Variants in IQANK1 observed in about 807,000 individuals in gnomAD.
The protein encoded by IQANK1 is IQ motif and ankyrin repeat domain-containing protein 1.
In IQANK1, 30 loss-of-function variants were observed where a neutral mutation model predicts 22.6. The ratio of observed to expected loss-of-function variants is 1.33; its 90% CI spans 0.99 to 1.80. The LOEUF (loss-of-function observed/expected upper bound fraction) is 1.80. IQANK1 is among the 40% of genes most tolerant of loss of function. The pLI is 0.00. For missense variants in IQANK1, 275 were observed against 235.2 expected (o/e 1.17, Z -1.11); for synonymous variants, 122 against 99.6 (o/e 1.23, Z -1.34).
chr8:143,780,790 C>A (rs13264809), intron 7 of IQANK1, among the ~76,000 whole-genome samples: 1 of 152,016 alleles, frequency 6.6e-6, no homozygotes, highest in African/African-American at 2.4e-5. Flanking sequence ...TCAACATATG[C>A]GTGCATGTGT....
chr8:143,787,196 G>T (rs1214112868), intron 7 of IQANK1, among the ~76,000 whole-genome samples: 1 of 152,146 alleles, frequency 6.6e-6, no homozygotes, highest in Non-Finnish European at 1.5e-5. Flanking sequence ...TAAATGTCTA[G>T]AAGTATGCAT....
At chr8:143,759,939 G>C (rs1269156163) in intron 3 of IQANK1, 1 of 152,204 alleles carries the variant, frequency 6.6e-6, no homozygotes. Flanking sequence ...ACACTCAGGA[G>C]CTTGCAAAGT....
At position 143,761,939 on chromosome 8, in the gene IQANK1, A is replaced by C. The variant is rs541682068; in HGVS notation, c.176-9549A>C. Among the ~76,000 whole-genome samples the C allele has an allele frequency of 4.6e-5, 7 of 152,206 alleles. 1 individual carries two copies. In the South Asian group the frequency reaches 1.2e-3, roughly 27 times the overall value. Reference sequence around the variant, plus strand: ...TAGGACATATATAAAGGAGAGTGGGATAGATATTGTATTTCAAGGAGAGTA... The same window carrying C: ...TAGGACATATATAAAGGAGAGTGGGCTAGATATTGTATTTCAAGGAGAGTA... On this transcript the variant is annotated intron_variant, in intron 3 of 13. Coordinates refer to ENST00000527139, the MANE Select transcript of IQANK1 (RefSeq NM_001381874.1).
intron 7 of IQANK1, among the ~76,000 whole-genome samples, chr8:143,783,737 G>A (rs147321678): frequency 5.3e-5 from 8 of 152,256 alleles, no homozygotes; most frequent in African/African-American, 1.2e-4. Context: ...ACTTCTGTGC[G>A]TTGTTTTGGT....
rs1454941330 is a variant in IQANK1 at position 143,739,917 on chromosome 8, C to T, written c.144C>T (p.Pro48=). 2.9e-6 allele frequency: 2 copies of T among 699,360 alleles called. No individual in the cohort carries two copies. Among genetic ancestry groups the T allele is most frequent in the Middle Eastern group, 2.5e-4 (1 of 3,968 alleles). The allele number at this position is 699,360 out of a possible 1,614,324, so 43.3% of individuals were successfully genotyped here. ...AAGCGGGCTGGCAGGCGAGGGAGCC[C>T]GCGTCGGCTGAGAGCCCACAGGCCC... is the stretch of plus-strand genomic sequence containing the variant. ...QRKAGWQARE[P]ASAESPQAPT... is the part of the protein sequence containing the mutation. Residue 48 remains proline (P), a synonymous_variant, in exon 3 of 14, where the codon CCC becomes CCT. Coordinates refer to ENST00000527139, the MANE Select transcript of IQANK1 (RefSeq NM_001381874.1).
At chr8:143,737,907 C>T (rs530679342) in intron 2 of IQANK1, among the ~76,000 whole-genome samples, 8 of 152,232 alleles carry the variant, frequency 5.3e-5, no homozygotes, top group South Asian at 4.1e-4. Flanking sequence ...CTCAGCAGTT[C>T]GGGGCCCAGG....
intron 2 of IQANK1, among the ~76,000 whole-genome samples, chr8:143,738,084 GCCCTGTAGGGGCCACC>G (rs1554625933): frequency 6.6e-6 from 1 of 152,150 alleles, no homozygotes. Flanking sequence ...CTGGTCACGT[GCCCTGTAGGGGCCACC>G]CCCGCTTCAC....
rs1819568081 is a variant in IQANK1 at position 143,771,369 on chromosome 8, G to A, written c.176-119G>A. On this transcript the variant is annotated intron_variant, in intron 3 of 13. Coordinates refer to ENST00000527139, the MANE Select transcript of IQANK1 (RefSeq NM_001381874.1). The surrounding 1 kb of genome is among the most constrained non-coding windows in gnomAD (Gnocchi z 6.0). ...GGCTCGGCCGCGCTGGGGGCTTTGA[G>A]AGCCGTTTGGGTCCTTCTGTCGGGG... is the stretch of plus-strand genomic sequence containing the variant. The A allele has an allele frequency of 2.6e-6, 1 of 381,816 alleles. No homozygotes were observed. Among genetic ancestry groups the A allele is most frequent in the African/African-American group, 2.1e-5 (1 of 46,654 alleles). 23.7% of individuals were successfully genotyped at this position (381,816 alleles called of 1,614,324 possible).
chr8:143,787,424 C>T (rs532404804), intron 7 of IQANK1, among the ~76,000 whole-genome samples: 1 of 152,200 alleles, frequency 6.6e-6, no homozygotes, highest in Non-Finnish European at 1.5e-5. Context: ...TACACTGCCC[C>T]TTCTTTCCAT....
chr8:143,780,929 T>A (rs782394297), intron 7 of IQANK1, among the ~76,000 whole-genome samples: 1 of 152,190 alleles, frequency 6.6e-6, no homozygotes, highest in Non-Finnish European at 1.5e-5. Context: ...CTGAACTAAT[T>A]TATACTCCCA....
intron 3 of IQANK1, chr8:143,742,461 C>G (rs966219553): frequency 4.6e-5 from 21 of 455,914 alleles, no homozygotes; most frequent in African/African-American, 4.0e-4. Context: ...GGGGCGAATG[C>G]GATGTAGACA....
intron 11 of IQANK1, 35 bp from the exon 12 acceptor site, chr8:143,789,936 G>C: frequency 8.1e-7 from 1 of 1,232,000 alleles, no homozygotes; most frequent in Non-Finnish European, 1.0e-6. Context: ...CCGGCGTCGG[G>C]CTTGCCTGTC....
chr8:143,742,790 A>G (rs1818950209), intron 3 of IQANK1: 1 of 455,946 alleles, frequency 2.2e-6, no homozygotes, highest in Non-Finnish European at 4.4e-6. Flanking sequence ...CAGCCTGGCT[A>G]CTTTCACCTT....
At chr8:143,766,858 G>T (rs1281180423) in intron 3 of IQANK1, among the ~76,000 whole-genome samples, 2 of 152,150 alleles carry the variant, frequency 1.3e-5, no homozygotes, top group Non-Finnish European at 2.9e-5. Context: ...ATTGCCTGTT[G>T]TGAATGGGGT....
At chr8:143,762,347 G>T (rs1819411436) in intron 3 of IQANK1, among the ~76,000 whole-genome samples, 1 of 151,376 alleles carries the variant, frequency 6.6e-6, no homozygotes. Flanking sequence ...GGAGGGAAAA[G>T]AAAAGAAAAG....
At chr8:143,790,101 T>A (rs1331137766) in intron 12 of IQANK1, 36 bp from the exon 13 acceptor site, 9 of 1,232,116 alleles carry the variant, frequency 7.3e-6, no homozygotes, top group Non-Finnish European at 8.1e-6. Context: ...GATTTGGGGT[T>A]TGGACAGACA....
In IQANK1 at chr8:143,790,579, C is replaced by T. The variant is rs1244908861; in HGVS notation, c.1654C>T (p.Arg552Cys). The change falls in exon 14 of 14, where the codon CGC (arginine) becomes TGC (cysteine). Residue 552 changes from arginine (R) to cysteine (C), a missense_variant. Transcript: ENST00000527139. Reference protein sequence around the residue: ...AEQLQVLLPVRVQLPGTGL With the variant: ...AEQLQVLLPVCVQLPGTGL ...GCAGCTGCAGGTGCTGCTCCCAGTG[C>T]GCGTGCAGCTGCCAGGCACAGGCCT... 4.0e-5 allele frequency: 16 copies of T among 398,832 alleles called. No individual in the cohort carries two copies. Among genetic ancestry groups the T allele is most frequent in the Admixed American group, 2.6e-4 (6 of 22,726 alleles). 24.7% of individuals were successfully genotyped at this position (398,832 alleles called of 1,614,324 possible).
At chr8:143,777,242 A>C (rs982127038) in intron 7 of IQANK1, among the ~76,000 whole-genome samples, 1 of 152,162 alleles carries the variant, frequency 6.6e-6, no homozygotes, top group Non-Finnish European at 1.5e-5. Flanking sequence ...TTGGCTGGCC[A>C]CAGTGGCTTA....
Position 143,790,594 on chromosome 8 carries a change from G to C in IQANK1, c.1669G>C (p.Gly557Arg). 1 of 398,876 alleles carries C rather than the reference G, an allele frequency of 2.5e-6. No individual in the cohort carries two copies. The highest frequency in any genetic ancestry group is 4.4e-6 in the Non-Finnish European group (1 of 226,096). 24.7% of individuals were successfully genotyped at this position (398,876 alleles called of 1,614,324 possible). Residue 557 changes from glycine (G) to arginine (R), a missense_variant, in exon 14 of 14, where the codon GGC becomes CGC. By Grantham distance (125) the Gly-to-Arg change is moderately radical. Coordinates refer to ENST00000527139, the MANE Select transcript of IQANK1 (RefSeq NM_001381874.1). ...GCTCCCAGTGCGCGTGCAGCTGCCA[G>C]GCACAGGCCTCTAGTGCTGGCCCCA... ...VLLPVRVQLP[G>R]TGL is the part of the protein sequence containing the mutation.
Sources: gnomAD v4.1 joint callset for allele counts (sites outside exome capture counted in the v4.1 genomes callset) on GRCh38, gnomAD v4.1.1 for gene constraint, Gnocchi (gnomAD v3.1) non-coding constraint, MANE v1.5 for transcripts, NCBI Gene and HGNC (gene_info 2026-07-23, HGNC 2026-07-21) for gene names.